The following BTBD3 variants were observed in gnomAD, a reference collection of about 807,000 sequenced individuals.
The protein encoded by BTBD3 is BTB/POZ domain-containing protein 3.
A neutral mutation model predicts 41.6 loss-of-function variants in BTBD3; 14 were observed. The ratio of observed to expected loss-of-function variants is 0.34; its 90% CI spans 0.22 to 0.53. The LOEUF (loss-of-function observed/expected upper bound fraction) is 0.53. Ranked by LOEUF, BTBD3 falls within the 20% of genes least tolerant of loss-of-function variation. BTBD3 has a pLI of 0.95. For missense variants in BTBD3, 426 were observed against 654.7 expected (o/e 0.65, Z 3.81); for synonymous variants, 249 against 233.7 (o/e 1.07, Z -0.60).
At chr20:11,910,825 C>A (rs1362301394) in intron 1 of BTBD3, among the ~76,000 whole-genome samples, 1 of 152,136 alleles carries the variant, frequency 6.6e-6, no homozygotes, top group Admixed American at 6.5e-5. Context: ...GAACTCTTAC[C>A]AGTCCTGGCA....
chr20:11,911,724 A>G (rs1482703113), intron 1 of BTBD3, among the ~76,000 whole-genome samples: 1 of 152,192 alleles, frequency 6.6e-6, no homozygotes, highest in Admixed American at 6.5e-5. Context: ...GCCTTTTTTT[A>G]TTGAAGTATC....
chr20:11,921,708 T>A (rs2056971258), intron 3 of BTBD3: 1 of 152,260 alleles, frequency 6.6e-6, no homozygotes, highest in Non-Finnish European at 1.5e-5. Context: ...TTGCCATTCT[T>A]GTGTTTTACT....
At chr20:11,922,569 A>C in intron 3 of BTBD3, 65 bp from the exon 4 acceptor site, 1 of 1,448,322 alleles carries the variant, frequency 6.9e-7, no homozygotes, top group Non-Finnish European at 9.4e-7. Context: ...AAGTGGTTGT[A>C]TCTTTTCTTG....
upstream of BTBD3, among the ~76,000 whole-genome samples, chr20:11,916,373 A>G (rs1056755093): frequency 6.6e-6 from 1 of 152,162 alleles, no homozygotes; most frequent in Non-Finnish European, 1.5e-5. Flanking sequence ...CCTCTCTAAC[A>G]TTGTGTGTTA....
upstream of BTBD3, among the ~76,000 whole-genome samples, chr20:11,912,949 A>C (rs531343396): frequency 3.3e-5 from 5 of 152,354 alleles, no homozygotes; most frequent in South Asian, 1.0e-3. Context: ...GGGACTGCCA[A>C]CATTTTGTTG....
intron 2 of BTBD3, 77 bp from the exon 3 acceptor site, chr20:11,919,641 A>G (rs2056948864): frequency 7.1e-7 from 1 of 1,413,326 alleles, no homozygotes; most frequent in Non-Finnish European, 1.0e-6. Flanking sequence ...CTGATTGCCT[A>G]GTGTTGTTTT....
At chr20:11,921,057 C>G (rs1163978605) in intron 3 of BTBD3, among the ~76,000 whole-genome samples, 1 of 152,200 alleles carries the variant, frequency 6.6e-6, no homozygotes, top group Non-Finnish European at 1.5e-5. Flanking sequence ...GATATATGTA[C>G]AGAAACCAGT....
chr20:11,902,099 C>A (rs561972168), intron 1 of BTBD3, among the ~76,000 whole-genome samples: 1 of 151,728 alleles, frequency 6.6e-6, no homozygotes, highest in South Asian at 2.1e-4. Context: ...TTTTGACTCA[C>A]AAAAACTTAA....
intron 1 of BTBD3, among the ~76,000 whole-genome samples, chr20:11,900,706 CT>C (rs33976204): frequency 0.66 from 73,209 of 111,414 alleles, 22,389 homozygotes; most frequent in Middle Eastern, 0.69. Flanking sequence ...AGTCCACCTA[CT>C]TTTTTTTTTT....
At position 11,923,078 on chromosome 20, in the gene BTBD3, C is replaced by A; in HGVS notation, c.981C>A (p.Leu327=). ...LYLIRIPTMA[L]DDFANGAAQS... is the part of the protein sequence containing the mutation. ...TGATCCGCATACCCACAATGGCCCTCGATGATTTTGCAAATGGTGCTGCAC... is the reference window on the plus strand; with the variant it reads ...TGATCCGCATACCCACAATGGCCCTAGATGATTTTGCAAATGGTGCTGCAC... Residue 327 remains leucine (L), a synonymous_variant, in exon 4 of 4, where the codon CTC becomes CTA. Coordinates refer to ENST00000378226, the MANE Select transcript of BTBD3 (RefSeq NM_014962.4). The surrounding 1 kb of genome is among the most constrained non-coding windows in gnomAD (Gnocchi z 5.3). 6.2e-7 allele frequency: 1 copy of A among 1,613,996 alleles called. No homozygotes were observed. The highest frequency in any genetic ancestry group is 8.5e-7 in the Non-Finnish European group (1 of 1,180,040).
intron 1 of BTBD3, among the ~76,000 whole-genome samples, chr20:11,909,045 C>T (rs1024745719): frequency 5.9e-5 from 9 of 151,878 alleles, no homozygotes; most frequent in East Asian, 1.9e-4. Context: ...GTCAGGAGTT[C>T]GGGTGGATCA....
rs755672043 is a variant in BTBD3 at position 11,922,981 on chromosome 20, T to C, written c.884T>C (p.Val295Ala). ...GAGGCAGCTCTCAACTGGGCTGAAGTAGAATGCCAACGACAAGATCTGGCG... is the reference window on the plus strand; with the variant it reads ...GAGGCAGCTCTCAACTGGGCTGAAGCAGAATGCCAACGACAAGATCTGGCG... ...VFEAALNWAEVECQRQDLALS... is the reference protein window; with the variant it reads ...VFEAALNWAEAECQRQDLALS... The change falls in exon 4 of 4, where the codon GTA becomes GCA. Residue 295 changes from valine to alanine, a missense_variant. Physicochemically the swap from Val to Ala is moderately conservative, Grantham distance 64. This residue lies in a region of BTBD3 where 321 missense variants were observed against 534.8 expected (regional missense o/e 0.60). Coordinates refer to ENST00000378226, the MANE Select transcript of BTBD3 (RefSeq NM_014962.4). 6.2e-7 allele frequency: 1 copy of C among 1,614,210 alleles called. No individual in the cohort carries two copies. The highest frequency in any genetic ancestry group is 2.2e-5 in the East Asian group (1 of 44,882).
intron 3 of BTBD3, among the ~76,000 whole-genome samples, chr20:11,921,894 A>C (rs766258151): frequency 1.3e-5 from 2 of 152,188 alleles, no homozygotes; most frequent in Non-Finnish European, 2.9e-5. Flanking sequence ...CAAAAAGTGT[A>C]TCCTGTGAAG....
chr20:11,923,206 TTG>T lies in BTBD3; in HGVS notation c.1111_1112del (p.Val371ProfsTer24), dbSNP rs768694764. On this transcript the variant is annotated frameshift_variant, in exon 4 of 4. Transcript: ENST00000378226. LOFTEE classifies it high-confidence loss of function. This position sits in a 1 kb window ranked among gnomAD's most constrained non-coding sequence, Gnocchi z 5.3. ...TTTGTGAGTAAAGCCCGTAAGGGCC[TTG>T]TCCCCCAGCGCTGTCACCGTTTCCA... 1 of 1,614,238 alleles carries T rather than the reference TTG, an allele frequency of 6.2e-7. No homozygotes were observed. Among genetic ancestry groups the T allele is most frequent in the Non-Finnish European group, 8.5e-7 (1 of 1,180,028 alleles).
Position 11,922,718 on chromosome 20 carries a change from C to T in BTBD3, c.621C>T (p.His207=), listed in dbSNP as rs2056981553. 1 of 1,614,102 alleles carries T rather than the reference C, an allele frequency of 6.2e-7. No individual in the cohort carries two copies. The highest frequency in any genetic ancestry group is 1.1e-5 in the South Asian group (1 of 91,090). Residue 207 remains histidine (H), a synonymous_variant, in exon 4 of 4, where the codon CAC becomes CAT. Coordinates refer to ENST00000378226, the MANE Select transcript of BTBD3 (RefSeq NM_014962.4). ...LYAAKKYIVP[H]LARACVNFLE... ...CTGCCAAAAAGTACATTGTCCCTCA[C>T]CTTGCCAGAGCCTGTGTTAATTTCC...
intron 1 of BTBD3, among the ~76,000 whole-genome samples, chr20:11,892,084 TGA>T (rs1446504176): frequency 7.2e-5 from 11 of 152,170 alleles, no homozygotes; most frequent in Non-Finnish European, 1.5e-4. Context: ...TTGTAATTGG[TGA>T]GATGAAACTC....
chr20:11,916,631 C>T (rs559698006), upstream of BTBD3, among the ~76,000 whole-genome samples: 4 of 152,204 alleles, frequency 2.6e-5, no homozygotes, highest in South Asian at 2.1e-4. Context: ...TTCTGGTAAC[C>T]GCCTTTAGCA....
chr20:11,923,218 G>C lies in BTBD3; in HGVS notation c.1121G>C (p.Arg374Pro). 2 of 1,614,220 alleles carry C rather than the reference G, an allele frequency of 1.2e-6. No individual in the cohort carries two copies. The highest frequency in any genetic ancestry group is 1.7e-6 in the Non-Finnish European group (2 of 1,180,038). Residue 374 changes from arginine to proline, a missense_variant, in exon 4 of 4, where the codon CGC becomes CCC. Physicochemically the swap from Arg to Pro is moderately radical, Grantham distance 103 (BLOSUM62 -2). Coordinates refer to ENST00000378226, the MANE Select transcript of BTBD3 (RefSeq NM_014962.4). The surrounding 1 kb of genome is among the most constrained non-coding windows in gnomAD (Gnocchi z 5.3). The stretch of plus-strand genomic sequence containing the variant: ...GCCCGTAAGGGCCTTGTCCCCCAGC[G>C]CTGTCACCGTTTCCAGTCGTGTGCC... The part of the protein sequence containing the change: ...SKARKGLVPQ[R>P]CHRFQSCAYR...
chr20:11,903,254 A>G (rs773888066), intron 1 of BTBD3, among the ~76,000 whole-genome samples: 4 of 152,210 alleles, frequency 2.6e-5, no homozygotes, highest in Admixed American at 2.0e-4. Context: ...TCTGCCTGAT[A>G]TATCTCTCTT....
Sources: allele counts gnomAD v4.1 joint callset (sites outside exome capture counted in the v4.1 genomes callset), GRCh38; gene constraint gnomAD v4.1.1; regional missense constraint gnomAD v4.1.1; non-coding constraint Gnocchi (gnomAD v3.1); transcripts MANE v1.5; gene names NCBI Gene and HGNC (gene_info 2026-07-23, HGNC 2026-07-21).